The following WDR19 variants were observed in gnomAD, a reference collection of about 807,000 sequenced individuals.
WDR19 encodes the protein WD repeat domain 19, also known as WD repeat-containing protein 19.
WDR19 carries 121 observed loss-of-function variants against 180.0 expected under a neutral mutation model. The observed-to-expected ratio is 0.67, with a 90% CI of 0.58 to 0.78. The LOEUF (loss-of-function observed/expected upper bound fraction) is 0.78. Ranked by LOEUF, WDR19 falls within the 30% of genes least tolerant of loss-of-function variation. WDR19 has a pLI of 0.00. For missense variants in WDR19, 1,450 were observed against 1,640.7 expected, an observed-to-expected ratio of 0.88 and a Z score of 2.01; for synonymous variants, 497 against 540.7, an observed-to-expected ratio of 0.92 and a Z score of 1.12.
chr4:39,270,657 C>T (rs1000219807), intron 31 of WDR19, among the ~76,000 whole-genome samples: 4 of 152,184 alleles, frequency 2.6e-5, no homozygotes, highest in Non-Finnish European at 5.9e-5. Context: ...GGATTACAGG[C>T]ATGAGCCACC....
At chr4:39,248,216 G>T (rs1219625430) in intron 24 of WDR19, among the ~76,000 whole-genome samples, 1 of 152,088 alleles carries the variant, frequency 6.6e-6, no homozygotes, top group South Asian at 2.1e-4. Context: ...TTAAAGAAAA[G>T]AATTTTCAAC....
At chr4:39,246,434 G>T (rs1270969998) in intron 24 of WDR19, among the ~76,000 whole-genome samples, 1 of 152,212 alleles carries the variant, frequency 6.6e-6, no homozygotes, top group Non-Finnish European at 1.5e-5. Context: ...GAGCGACGCA[G>T]AAGACAGGTG....
At chr4:39,214,110 G>T (rs1467331926) in intron 9 of WDR19, among the ~76,000 whole-genome samples, 1 of 152,032 alleles carries the variant, frequency 6.6e-6, no homozygotes, top group Non-Finnish European at 1.5e-5. Context: ...TGTTATGCCC[G>T]CATTTTTCAG....
chr4:39,255,843 T>C lies in WDR19; in HGVS notation c.3002-5T>C. 6.6e-7 allele frequency: 1 copy of C among 1,526,324 alleles called. No individual in the cohort carries two copies. Among genetic ancestry groups the C allele is most frequent in the Non-Finnish European group, 8.8e-7 (1 of 1,130,052 alleles). The allele number at this position is 1,526,324 out of a possible 1,614,324, so 94.5% of individuals were successfully genotyped here. A position where few individuals can be genotyped will look rare whatever the true frequency, so the allele number is the denominator to read the frequency against. On this transcript the variant is annotated splice_region_variant and splice_polypyrimidine_tract_variant and intron_variant, in intron 26 of 36. Transcript: ENST00000399820. ...GATATTTTACTCAGTAAACTTCTGT[T>C]ACAGGTTCTGAAGACACTACTAATG...
intron 36 of WDR19, among the ~76,000 whole-genome samples, chr4:39,278,959 G>A (rs539938941): frequency 7.5e-6 from 1 of 134,032 alleles, no homozygotes; most frequent in Admixed American, 7.2e-5. Flanking sequence ...GCTAATAAAA[G>A]TATTTTTTTT....
intron 3 of WDR19, 68 bp downstream of exon 3, chr4:39,186,672 C>A: frequency 4.6e-6 from 5 of 1,077,824 alleles, no homozygotes; most frequent in African/African-American, 1.6e-5. Context: ...AAAAATACTG[C>A]CTTAAAATTA....
intron 27 of WDR19, among the ~76,000 whole-genome samples, chr4:39,256,837 C>T (rs889924844): frequency 1.3e-5 from 2 of 152,122 alleles, no homozygotes; most frequent in Non-Finnish European, 2.9e-5. Context: ...CCTCTCTGCT[C>T]TCTACACCAC....
chr4:39,249,228 C>A (rs1265306288), intron 24 of WDR19, among the ~76,000 whole-genome samples: 3 of 151,940 alleles, frequency 2.0e-5, no homozygotes, highest in Non-Finnish European at 4.4e-5. Flanking sequence ...ACTGAACAAC[C>A]TGCTCCTGAA....
chr4:39,221,213 T>A (rs1274491715), intron 14 of WDR19, among the ~76,000 whole-genome samples: 1 of 152,058 alleles, frequency 6.6e-6, no homozygotes, highest in Non-Finnish European at 1.5e-5. Context: ...ACACTAATAG[T>A]TTATAGAGCC....
chr4:39,240,357 T>C (rs1731806471), intron 21 of WDR19, 23 bp downstream of exon 21: 3 of 1,316,530 alleles, frequency 2.3e-6, no homozygotes, highest in African/African-American at 3.1e-5. Context: ...AAAGATAAGA[T>C]ATGCCTAATT....
chr4:39,256,103 A>G, intron 27 of WDR19, 143 bp downstream of exon 27: 1 of 626,188 alleles, frequency 1.6e-6, no homozygotes, highest in Non-Finnish European at 2.8e-6. Context: ...CTAACTCTGA[A>G]ATATTCCTCT....
In WDR19 at chr4:39,253,268, T is replaced by G. The variant is rs1179525560; in HGVS notation, c.2852T>G (p.Leu951Arg). The G allele has an allele frequency of 6.2e-7, 1 of 1,612,852 alleles. No homozygotes were observed. Among genetic ancestry groups the G allele is most frequent in the Admixed American group, 1.7e-5 (1 of 59,802 alleles). ...AVNIVRETQS[L>R]DGAKMVARFF... ...AATATTGTTAGAGAGACCCAGTCTC[T>G]GGATGGAGCCAAAATGGTAGCCAGG... is the stretch of plus-strand genomic sequence containing the variant. The change falls in exon 25 of 37, where the codon CTG (leucine) becomes CGG (arginine). Residue 951 changes from leucine (L) to arginine (R), a missense_variant. Leu to Arg is a moderately radical substitution (Grantham distance 102, BLOSUM62 -2). Coordinates refer to ENST00000399820, the MANE Select transcript of WDR19 (RefSeq NM_025132.4).
In WDR19 at chr4:39,270,250, T is replaced by C. The variant is rs543501681; in HGVS notation, c.3483+150T>C. The stretch of plus-strand genomic sequence containing the variant: ...AACAAGATACAGAACATATCTACAA[T>C]ACGCTGCTTTGTGTGGAATGAGGCA... On this transcript the variant is annotated intron_variant, in intron 31 of 36. Coordinates refer to ENST00000399820, the MANE Select transcript of WDR19 (RefSeq NM_025132.4). 5 of 1,147,706 alleles carry C rather than the reference T, an allele frequency of 4.4e-6. No individual in the cohort carries two copies. In the Admixed American group the frequency reaches 1.3e-4, roughly 30 times the overall value. The allele number at this position is 1,147,706 out of a possible 1,614,324, so 71.1% of individuals were successfully genotyped here.
chr4:39,273,345 C>T (rs1277340541), intron 32 of WDR19: 19 of 404,490 alleles, frequency 4.7e-5, no homozygotes, highest in Non-Finnish European at 7.8e-5. Context: ...CGAGCAGGTG[C>T]AGGCACGGAC....
At chr4:39,190,141 C>G (rs778067116) in intron 4 of WDR19, among the ~76,000 whole-genome samples, 4 of 152,172 alleles carry the variant, frequency 2.6e-5, no homozygotes, top group Non-Finnish European at 5.9e-5. Flanking sequence ...TCTATATTGA[C>G]TTTATTCTAA....
Position 39,274,820 on chromosome 4 carries a change from T to C in WDR19, c.3578T>C (p.Ile1193Thr). ...TTTTCTCTTGCAGACATTGTACCCATCCTGACGTCAACTGTGATTGAGTGT... is the reference window on the plus strand; with the variant it reads ...TTTTCTCTTGCAGACATTGTACCCACCCTGACGTCAACTGTGATTGAGTGT... Reference protein sequence around the residue: ...ISKFPSHIVPILTSTVIECHR... With the variant: ...ISKFPSHIVPTLTSTVIECHR... The change falls in exon 33 of 37, where the codon ATC (isoleucine) becomes ACC (threonine). Residue 1193 changes from isoleucine to threonine, a missense_variant. Ile to Thr is a moderately conservative substitution (Grantham distance 89). Transcript: ENST00000399820. The C allele has an allele frequency of 1.2e-6, 2 of 1,613,722 alleles. No homozygotes were observed. Among genetic ancestry groups the C allele is most frequent in the Non-Finnish European group, 1.7e-6 (2 of 1,179,688 alleles).
In WDR19 at chr4:39,264,229, A is replaced by C. The variant is rs144683453; in HGVS notation, c.3184-1834A>C. 1.8e-3 allele frequency among the ~76,000 whole-genome samples: 269 copies of C among 152,286 alleles called. 1 individual carries two copies. Among genetic ancestry groups the C allele is most frequent in the African/African-American group, 6.1e-3 (255 of 41,554 alleles). ...CATGGGTCTCAAGTAGTGTCACTAA[A>C]TTGACCTCCAGCAGGCTGGCTCCAG... On this transcript the variant is annotated intron_variant, in intron 28 of 36. Transcript: ENST00000399820.
At chr4:39,203,326 T>C (rs1727574934) in intron 6 of WDR19, among the ~76,000 whole-genome samples, 2 of 152,232 alleles carry the variant, frequency 1.3e-5, no homozygotes, top group South Asian at 2.1e-4. Context: ...CCAAAACAAA[T>C]GGATTTCCTT....
At chr4:39,237,086 A>G (rs1431760523) in intron 20 of WDR19, among the ~76,000 whole-genome samples, 2 of 152,228 alleles carry the variant, frequency 1.3e-5, no homozygotes, top group Non-Finnish European at 2.9e-5. Context: ...ATATATTCCA[A>G]CATTCAAAAA....
Sources: allele counts gnomAD v4.1 joint callset (sites outside exome capture counted in the v4.1 genomes callset), GRCh38; gene constraint gnomAD v4.1.1; transcripts MANE v1.5; gene names NCBI Gene and HGNC (gene_info 2026-07-23, HGNC 2026-07-21).